SP100: variants seen among roughly 807,000 people sequenced by gnomAD.
The protein encoded by SP100 is nuclear autoantigen Sp-100.
A neutral mutation model predicts 130.0 loss-of-function variants in SP100; 84 were observed. That is an observed-to-expected ratio of 0.65 (90% CI 0.54 to 0.77). The LOEUF is 0.77. Among genes scored for constraint, SP100 ranks in the 30% least tolerant of loss-of-function variants. The pLI is 0.00. For missense variants in SP100, 978 were observed against 1,052.2 expected, an observed-to-expected ratio of 0.93 and a Z score of 0.97; for synonymous variants, 331 against 351.7, an observed-to-expected ratio of 0.94 and a Z score of 0.66.
intron 15 of SP100, among the ~76,000 whole-genome samples, chr2:230,470,914 A>G (rs1477382080): frequency 1.3e-5 from 2 of 151,568 alleles, no homozygotes; most frequent in African/African-American, 2.4e-5. Context: ...GTGTGTGTGT[A>G]CACATGCATA....
intron 18 of SP100, among the ~76,000 whole-genome samples, chr2:230,494,792 A>G (rs969391476): frequency 3.9e-5 from 6 of 152,162 alleles, no homozygotes; most frequent in Non-Finnish European, 8.8e-5. Context: ...CCAGCCATTT[A>G]TTTATTTTAA....
chr2:230,474,882 A>G lies in SP100; in HGVS notation c.1600+435A>G, dbSNP rs1575690420. ...GTGATTTCATTCTTTTTATGGCTGCATAGTATTTCATGGTGTATATGTGTG... is the reference window on the plus strand; with the variant it reads ...GTGATTTCATTCTTTTTATGGCTGCGTAGTATTTCATGGTGTATATGTGTG... On this transcript the variant is annotated intron_variant, in intron 17 of 28. Transcript: ENST00000340126. Among the ~76,000 whole-genome samples the G allele has an allele frequency of 2.6e-5, 4 of 152,030 alleles. 1 individual carries two copies. In the Middle Eastern group the frequency reaches 0.01, roughly 390 times the overall value.
In SP100 at chr2:230,416,334, T is replaced by A; in HGVS notation, c.32+6T>A. On this transcript the variant is annotated splice_donor_region_variant and intron_variant, in intron 1 of 28. Coordinates refer to ENST00000340126, the MANE Select transcript of SP100 (RefSeq NM_001080391.2). Reference sequence around the variant, plus strand: ...GGCGGCGACCTGAGCACCAGGTGAGTCTTTATCTCCCTTCCTTTAACCTTT... The same window carrying A: ...GGCGGCGACCTGAGCACCAGGTGAGACTTTATCTCCCTTCCTTTAACCTTT... 1 of 1,612,250 alleles carries A rather than the reference T, an allele frequency of 6.2e-7. No individual in the cohort carries two copies. Among genetic ancestry groups the A allele is most frequent in the Non-Finnish European group, 8.5e-7 (1 of 1,178,590 alleles).
At position 230,416,213 on chromosome 2, in the gene SP100, G is replaced by A. The variant is rs1349868799; in HGVS notation, c.-84G>A. ...CGGCCGACTTCCTGCTTGGGGCCTG[G>A]GCAGCCACACTGCACGCAGGCTGGG... On this transcript the variant is annotated 5_prime_UTR_variant, in exon 1 of 29. Transcript: ENST00000340126. The A allele has an allele frequency of 7.3e-6, 8 of 1,102,062 alleles. No individual in the cohort carries two copies. Among genetic ancestry groups the A allele is most frequent in the East Asian group, 2.4e-5 (1 of 41,220 alleles). 68.3% of individuals were successfully genotyped at this position (1,102,062 alleles called of 1,614,324 possible).
Position 230,462,513 on chromosome 2 carries a change from A to C in SP100, c.1052A>C (p.Glu351Ala), listed in dbSNP as rs776390376. The C allele has an allele frequency of 6.2e-7, 1 of 1,612,166 alleles. No homozygotes were observed. Among genetic ancestry groups the C allele is most frequent in the Non-Finnish European group, 8.5e-7 (1 of 1,178,802 alleles). Residue 351 changes from glutamate to alanine, a missense_variant, in exon 10 of 29, where the codon GAG (glutamate) becomes GCG (alanine). Transcript: ENST00000340126. ...LEVFISAPRS[E>A]PVINNDNPLE... is the part of the protein sequence containing the mutation. ...GTCTTCATCTCAGCACCGAGAAGTGAGCCTGGTAAGGAAGTTTGGGAGAGC... is the reference window on the plus strand; with the variant it reads ...GTCTTCATCTCAGCACCGAGAAGTGCGCCTGGTAAGGAAGTTTGGGAGAGC...
At chr2:230,441,536 C>G (rs565988347) in intron 2 of SP100, among the ~76,000 whole-genome samples, 1 of 152,190 alleles carries the variant, frequency 6.6e-6, no homozygotes, top group Non-Finnish European at 1.5e-5. Context: ...TATATTCACA[C>G]AATGGAATGC....
At position 230,444,166 on chromosome 2, in the gene SP100, A is replaced by G. The variant is rs764508750; in HGVS notation, c.271-12A>G. The G allele has an allele frequency of 1.9e-6, 3 of 1,546,208 alleles. No homozygotes were observed. Among genetic ancestry groups the G allele is most frequent in the East Asian group, 2.3e-5 (1 of 44,228 alleles). Reference sequence around the variant, plus strand: ...TCTTTATTTATATTTTCTCCATTCAATATTTTTTAAGGATTCTCAAGATTC... The same window carrying G: ...TCTTTATTTATATTTTCTCCATTCAGTATTTTTTAAGGATTCTCAAGATTC... On this transcript the variant is annotated splice_polypyrimidine_tract_variant and intron_variant, in intron 3 of 28. Transcript: ENST00000340126.
intron 8 of SP100, among the ~76,000 whole-genome samples, chr2:230,460,347 G>A (rs1286752544): frequency 1.3e-5 from 2 of 152,164 alleles, no homozygotes; most frequent in East Asian, 1.9e-4. Flanking sequence ...AGCATGTTGA[G>A]TAAAATATCC....
chr2:230,466,298 C>A lies in SP100; in HGVS notation c.1142-3C>A. On this transcript the variant is annotated splice_region_variant and splice_polypyrimidine_tract_variant and intron_variant, in intron 11 of 28. Transcript: ENST00000340126. ...TAACGGGTTTCTCCCTTTTACTTTACAGAGCCCATGGATTTCAGAAAATTA... is the reference window on the plus strand; with the variant it reads ...TAACGGGTTTCTCCCTTTTACTTTAAAGAGCCCATGGATTTCAGAAAATTA... The A allele has an allele frequency of 6.4e-7, 1 of 1,552,188 alleles. No homozygotes were observed. The highest frequency in any genetic ancestry group is 1.1e-5 in the South Asian group (1 of 88,768).
intron 17 of SP100, among the ~76,000 whole-genome samples, chr2:230,479,278 A>T (rs2065716964): frequency 6.6e-6 from 1 of 152,186 alleles, no homozygotes; most frequent in Non-Finnish European, 1.5e-5. Flanking sequence ...GAAGATGCTG[A>T]TGGTGTCTTT....
chr2:230,476,352 G>A (rs1268147636), intron 17 of SP100, among the ~76,000 whole-genome samples: 1 of 152,128 alleles, frequency 6.6e-6, no homozygotes, highest in African/African-American at 2.4e-5. Context: ...CGTTTTTAGT[G>A]TATAAAGATG....
At chr2:230,454,528 T>C (rs894496052) in intron 8 of SP100, among the ~76,000 whole-genome samples, 1 of 152,220 alleles carries the variant, frequency 6.6e-6, no homozygotes, top group African/African-American at 2.4e-5. Flanking sequence ...TTTTTTCCCT[T>C]TAATTTCTTC....
chr2:230,535,525 C>A (rs984158077), intron 24 of SP100, among the ~76,000 whole-genome samples: 2 of 151,636 alleles, frequency 1.3e-5, no homozygotes, highest in African/African-American at 4.8e-5. Flanking sequence ...AGGCATATTT[C>A]TCTCTCTCTC....
intron 8 of SP100, among the ~76,000 whole-genome samples, chr2:230,451,490 G>T (rs2063981659): frequency 6.6e-6 from 1 of 152,084 alleles, no homozygotes; most frequent in African/African-American, 2.4e-5. Context: ...CTGTTTGTTT[G>T]TTTGTTTGTA....
intron 15 of SP100, among the ~76,000 whole-genome samples, chr2:230,471,550 TATTA>T (rs766056369): frequency 4.6e-5 from 7 of 152,178 alleles, no homozygotes; most frequent in African/African-American, 1.2e-4. Flanking sequence ...TTCAGTTCAT[TATTA>T]ATTATCTTTT....
chr2:230,441,152 C>A (rs763487117), intron 2 of SP100, among the ~76,000 whole-genome samples: 4 of 151,934 alleles, frequency 2.6e-5, no homozygotes, highest in Non-Finnish European at 2.9e-5. Flanking sequence ...TATAAATGGG[C>A]CAAAGACTTG....
chr2:230,476,264 G>C (rs1362287633), intron 17 of SP100, among the ~76,000 whole-genome samples: 2 of 152,090 alleles, frequency 1.3e-5, no homozygotes, highest in Non-Finnish European at 2.9e-5. Flanking sequence ...TCCTTGGCTG[G>C]ATGAATTCCT....
At chr2:230,436,664 T>C (rs540391190) in intron 2 of SP100, among the ~76,000 whole-genome samples, 25 of 152,228 alleles carry the variant, frequency 1.6e-4, no homozygotes, top group Non-Finnish European at 3.4e-4. Context: ...CAGTTCTTTA[T>C]AGCAGTGTGA....
At chr2:230,431,337 T>C (rs915846759) in intron 2 of SP100, among the ~76,000 whole-genome samples, 1 of 152,196 alleles carries the variant, frequency 6.6e-6, no homozygotes, top group African/African-American at 2.4e-5. Context: ...TCAGGCTCTG[T>C]TTTCCCCACT....
Sources: gnomAD v4.1 joint callset for allele counts (sites outside exome capture counted in the v4.1 genomes callset) on GRCh38, gnomAD v4.1.1 for gene constraint, MANE v1.5 for transcripts, NCBI Gene and HGNC (gene_info 2026-07-23, HGNC 2026-07-21) for gene names.